Variants in CTNNA2 observed in about 807,000 individuals in gnomAD.
The protein encoded by CTNNA2 is catenin alpha 2.
Under a neutral mutation model 101.0 loss-of-function variants are expected in CTNNA2, and 42 were observed. The ratio of observed to expected loss-of-function variants is 0.42; its 90% CI spans 0.32 to 0.54. The LOEUF is 0.54. Ranked by LOEUF, CTNNA2 falls within the 20% of genes least tolerant of loss-of-function variation. The pLI, the probability that CTNNA2 is intolerant of heterozygous loss-of-function variation, is 0.14. For missense variants in CTNNA2, 871 were observed against 1,223.1 expected (o/e 0.71, Z 4.29); for synonymous variants, 450 against 456.4 (o/e 0.99, Z 0.18).
intron 1 of CTNNA2, among the ~76,000 whole-genome samples, chr2:79,593,014 A>C (rs1676960233): frequency 6.6e-6 from 1 of 152,240 alleles, no homozygotes; most frequent in Non-Finnish European, 1.5e-5. Flanking sequence ...TTTTCCGTCT[A>C]TAAAGGAGAT....
chr2:79,449,929 G>A (rs1678872547), intron 4 of CTNNA2, among the ~76,000 whole-genome samples: 1 of 152,166 alleles, frequency 6.6e-6, no homozygotes, highest in African/African-American at 2.4e-5. Flanking sequence ...AGAACATTAT[G>A]TGTGCCGTTA....
intron 17 of CTNNA2, chr2:80,612,982 G>A (rs1362599113): frequency 6.6e-6 from 1 of 151,468 alleles, no homozygotes; most frequent in Non-Finnish European, 1.5e-5. Flanking sequence ...AGGAAAAGTT[G>A]CAGTGTCCAA....
intron 2 of CTNNA2, among the ~76,000 whole-genome samples, chr2:79,310,328 A>C (rs1676338860): frequency 6.6e-6 from 1 of 152,110 alleles, no homozygotes; most frequent in Non-Finnish European, 1.5e-5. Context: ...AGGTTTTTGA[A>C]AATATTTATA....
rs189235559 is a variant in CTNNA2, at chr2:79,683,411, G to A, written c.102+31753G>A. ...TGCCTCAATTTCCCTGAAGAAGTCCGTCTTTGGAAGTCAAAGATAAAATAA... is the reference window on the plus strand; with the variant it reads ...TGCCTCAATTTCCCTGAAGAAGTCCATCTTTGGAAGTCAAAGATAAAATAA... On this transcript the variant is annotated intron_variant, in intron 2 of 18. Coordinates refer to ENST00000402739, the MANE Select transcript of CTNNA2 (RefSeq NM_001282597.3). 2.4e-4 allele frequency among the ~76,000 whole-genome samples: 37 copies of A among 152,248 alleles called. 1 individual carries two copies. The highest frequency in any genetic ancestry group is 8.9e-4 in the African/African-American group (37 of 41,560).
intron 1 of CTNNA2, among the ~76,000 whole-genome samples, chr2:79,544,413 GC>G (rs1673607344): frequency 6.6e-6 from 1 of 152,114 alleles, no homozygotes; most frequent in Non-Finnish European, 1.5e-5. Context: ...TGTAAGTGAA[GC>G]AATTGAAACA....
chr2:79,187,273 T>TC (rs1257537285), intron 1 of CTNNA2, among the ~76,000 whole-genome samples: 9 of 132,056 alleles, frequency 6.8e-5, no homozygotes, highest in Non-Finnish European at 1.4e-4. Flanking sequence ...TTCTTTTCTT[T>TC]TTTTTTTTTT....
chr2:80,357,286 T>A (rs1673929076), intron 7 of CTNNA2, among the ~76,000 whole-genome samples: 1 of 151,960 alleles, frequency 6.6e-6, no homozygotes, highest in Non-Finnish European at 1.5e-5. Context: ...TTTTATTTTT[T>A]TTTGGTAAGC....
At chr2:80,205,765 AG>A (rs1707495900) in intron 7 of CTNNA2, among the ~76,000 whole-genome samples, 1 of 152,206 alleles carries the variant, frequency 6.6e-6, no homozygotes, top group African/African-American at 2.4e-5. Flanking sequence ...CTCCTCAAAT[AG>A]AAGGTGACTG....
intron 4 of CTNNA2, among the ~76,000 whole-genome samples, chr2:79,446,895 G>A (rs1298927714): frequency 2.6e-5 from 4 of 151,896 alleles, no homozygotes; most frequent in Non-Finnish European, 5.9e-5. Context: ...TCCTTTTTTA[G>A]CTACTGTTTA....
chr2:80,397,581 C>T (rs769601055), intron 8 of CTNNA2, among the ~76,000 whole-genome samples: 11 of 152,182 alleles, frequency 7.2e-5, no homozygotes, highest in Non-Finnish European at 1.3e-4. Flanking sequence ...CCCCTGCACA[C>T]GCTCTCTTGC....
At chr2:80,438,634 A>G (rs1030287201) in intron 9 of CTNNA2, among the ~76,000 whole-genome samples, 3 of 152,142 alleles carry the variant, frequency 2.0e-5, no homozygotes, top group African/African-American at 4.8e-5. Context: ...AAACTTTTCA[A>G]TTGTATTACA....
chr2:80,475,957 C>T (rs947812008), intron 9 of CTNNA2, among the ~76,000 whole-genome samples: 18 of 152,116 alleles, frequency 1.2e-4, no homozygotes, highest in Non-Finnish European at 2.4e-4. Context: ...TTCCTATCGA[C>T]TAGAGCAATA....
intron 7 of CTNNA2, among the ~76,000 whole-genome samples, chr2:80,294,983 C>T (rs1431078723): frequency 6.6e-6 from 1 of 152,142 alleles, no homozygotes; most frequent in Non-Finnish European, 1.5e-5. Context: ...ACTTGAGTAG[C>T]ATAAAACACA....
chr2:80,560,468 T>C (rs1693482039), intron 12 of CTNNA2, among the ~76,000 whole-genome samples: 1 of 152,146 alleles, frequency 6.6e-6, no homozygotes. Flanking sequence ...TGCCCAATGT[T>C]TTGTCATTCA....
At chr2:79,322,834 T>C (rs773638139) in intron 3 of CTNNA2, among the ~76,000 whole-genome samples, 1 of 152,168 alleles carries the variant, frequency 6.6e-6, no homozygotes, top group Non-Finnish European at 1.5e-5. Flanking sequence ...AACTTGGTGT[T>C]TGTCTCCCAG....
At chr2:80,315,185 GTA>G (rs1677988933) in intron 7 of CTNNA2, among the ~76,000 whole-genome samples, 1 of 152,120 alleles carries the variant, frequency 6.6e-6, no homozygotes, top group Admixed American at 6.5e-5. Context: ...ATTGTGCCCA[GTA>G]TCTCAGACTT....
chr2:80,269,286 G>A (rs1673264145), intron 7 of CTNNA2, among the ~76,000 whole-genome samples: 1 of 152,094 alleles, frequency 6.6e-6, no homozygotes, highest in South Asian at 2.1e-4. Flanking sequence ...TCACAAGATT[G>A]GATGGTTTTA....
intron 7 of CTNNA2, among the ~76,000 whole-genome samples, chr2:80,323,547 T>C (rs889428114): frequency 6.6e-5 from 10 of 152,198 alleles, no homozygotes; most frequent in Non-Finnish European, 1.3e-4. Flanking sequence ...TCTGCCTCTA[T>C]GCAGCATCTG....
intron 3 of CTNNA2, chr2:79,339,571 C>G (rs1243768852): frequency 1.3e-5 from 2 of 152,150 alleles, no homozygotes; most frequent in African/African-American, 4.8e-5. Context: ...ATACCTGATT[C>G]AATAAGCCCG....
Sources: gnomAD v4.1 joint callset for allele counts (sites outside exome capture counted in the v4.1 genomes callset) on GRCh38, gnomAD v4.1.1 for gene constraint, MANE v1.5 for transcripts, NCBI Gene and HGNC (gene_info 2026-07-23, HGNC 2026-07-21) for gene names.